Variants in TRAPPC12 observed in about 807,000 individuals in gnomAD.
TRAPPC12 encodes the protein trafficking protein particle complex subunit 12.
Under a neutral mutation model 69.2 loss-of-function variants are expected in TRAPPC12, and 61 were observed. The ratio of observed to expected loss-of-function variants is 0.88; its 90% CI spans 0.72 to 1.09. TRAPPC12 has a LOEUF of 1.09. TRAPPC12 is among the 50% of genes least tolerant of loss of function. The pLI is 0.00. For missense variants in TRAPPC12, 1,101 were observed against 1,016.4 expected (o/e 1.08, Z -1.13); for synonymous variants, 469 against 438.9 (o/e 1.07, Z -0.86).
chr2:3,431,867 C>T (rs1355177742), intron 5 of TRAPPC12, among the ~76,000 whole-genome samples: 1 of 152,142 alleles, frequency 6.6e-6, no homozygotes, highest in Non-Finnish European at 1.5e-5. Flanking sequence ...ATTAAATGTC[C>T]ATTCCTGACA....
chr2:3,432,224 C>T (rs1444982075), intron 5 of TRAPPC12, among the ~76,000 whole-genome samples: 6 of 152,204 alleles, frequency 3.9e-5, no homozygotes, highest in African/African-American at 7.2e-5. Context: ...GCTGTAATGA[C>T]GTCACAGGAA....
intron 6 of TRAPPC12, among the ~76,000 whole-genome samples, chr2:3,445,419 G>A (rs182026406): frequency 1.1e-3 from 164 of 152,262 alleles, no homozygotes; most frequent in African/African-American, 3.8e-3. Context: ...ACAGTGTAAC[G>A]ATGAGAGGAG....
intron 3 of TRAPPC12, among the ~76,000 whole-genome samples, chr2:3,419,237 G>T (rs564332179): frequency 2.8e-4 from 42 of 152,348 alleles, no homozygotes; most frequent in African/African-American, 1.0e-3. Context: ...GCAGTTATTA[G>T]TTGCCCCTGG....
chr2:3,458,036 G>T (rs112272058), intron 7 of TRAPPC12: 25 of 1,115,772 alleles, frequency 2.2e-5, no homozygotes, highest in Non-Finnish European at 2.7e-5. Flanking sequence ...CCTCTGCGTC[G>T]GGGAGAGAGG....
At chr2:3,466,695 T>G (rs898393307) in intron 9 of TRAPPC12, among the ~76,000 whole-genome samples, 6 of 152,116 alleles carry the variant, frequency 3.9e-5, no homozygotes, top group African/African-American at 1.4e-4. Flanking sequence ...CCAGATAGTG[T>G]TGGAGGACAG....
chr2:3,473,567 C>T (rs1450300832), intron 9 of TRAPPC12, among the ~76,000 whole-genome samples: 1 of 152,216 alleles, frequency 6.6e-6, no homozygotes, highest in East Asian at 1.9e-4. Flanking sequence ...GCAGCCTTGA[C>T]CTCCTGGGCT....
chr2:3,457,744 G>C (rs1473526364), intron 7 of TRAPPC12, 51 bp downstream of exon 7: 1 of 1,600,854 alleles, frequency 6.2e-7, no homozygotes, highest in South Asian at 1.1e-5. Context: ...ATCACTGACA[G>C]ACTGAGCCCA....
At chr2:3,453,519 C>T (rs1664964767) in intron 6 of TRAPPC12, among the ~76,000 whole-genome samples, 1 of 152,216 alleles carries the variant, frequency 6.6e-6, no homozygotes, top group Admixed American at 6.5e-5. Context: ...TATGCCCTCG[C>T]CTGGGCCCTC....
chr2:3,474,815 T>C (rs1323704901), intron 9 of TRAPPC12, among the ~76,000 whole-genome samples: 1 of 152,240 alleles, frequency 6.6e-6, no homozygotes, highest in Non-Finnish European at 1.5e-5. Context: ...GAATTGCCTT[T>C]GCTGAGCACA....
At position 3,462,894 on chromosome 2, in the gene TRAPPC12, G is replaced by A. The variant is rs193278916; in HGVS notation, c.1677+2558G>A. On this transcript the variant is annotated intron_variant, in intron 8 of 11. Transcript: ENST00000324266. ...GCACATCAGAACCCGCCGTGGCTCC[G>A]CACATGATGGAAAGGAGCACGCAGC... 4.9e-3 allele frequency: 2,318 copies of A among 470,880 alleles called. 8 individuals carry two copies. Among genetic ancestry groups the A allele is most frequent in the Non-Finnish European group, 6.5e-3 (1,479 of 226,916 alleles). The allele number at this position is 470,880 out of a possible 1,614,324, so 29.2% of individuals were successfully genotyped here.
intron 2 of TRAPPC12, among the ~76,000 whole-genome samples, chr2:3,390,293 C>A (rs1400956975): frequency 6.6e-6 from 1 of 152,104 alleles, no homozygotes; most frequent in Non-Finnish European, 1.5e-5. Context: ...TCTAAGGCAG[C>A]CCAGATGGGA....
chr2:3,388,242 A>G lies in TRAPPC12; in HGVS notation c.619A>G (p.Ser207Gly), dbSNP rs1182050494. The G allele has an allele frequency of 3.7e-6, 6 of 1,608,888 alleles. No homozygotes were observed. The highest frequency in any genetic ancestry group is 5.1e-6 in the Non-Finnish European group (6 of 1,177,850). ...GGTCGTGCAGCCCAGCCCCAGCCTC[A>G]GCACGTTCTTCGGAGACACGGCCGC... The part of the protein sequence containing the change: ...PQVVQPSPSL[S>G]TFFGDTAASH... Residue 207 changes from serine (S) to glycine (G), a missense_variant, in exon 2 of 12, where the codon AGC becomes GGC. Ser to Gly is a moderately conservative substitution (Grantham distance 56). Transcript: ENST00000324266.
chr2:3,446,954 G>T (rs1300081626), intron 6 of TRAPPC12, among the ~76,000 whole-genome samples: 1 of 152,212 alleles, frequency 6.6e-6, no homozygotes, highest in Non-Finnish European at 1.5e-5. Flanking sequence ...CTTTACTCAA[G>T]AAGTGTGTAT....
At chr2:3,401,427 C>T (rs2103468171) in intron 2 of TRAPPC12, among the ~76,000 whole-genome samples, 1 of 152,366 alleles carries the variant, frequency 6.6e-6, no homozygotes, top group Non-Finnish European at 1.5e-5. Flanking sequence ...AGGCCCCTCA[C>T]CTGAGGCCTC....
chr2:3,406,559 T>TA (rs1212307384), intron 3 of TRAPPC12, among the ~76,000 whole-genome samples: 2 of 152,244 alleles, frequency 1.3e-5, no homozygotes, highest in Non-Finnish European at 2.9e-5. Flanking sequence ...GAGATGGAGA[T>TA]ACTCTTTTTT....
chr2:3,417,690 C>T (rs556875890), intron 3 of TRAPPC12, among the ~76,000 whole-genome samples: 2 of 152,254 alleles, frequency 1.3e-5, no homozygotes, highest in African/African-American at 4.8e-5. Flanking sequence ...AACATTTACT[C>T]ATCGAACTTC....
intron 10 of TRAPPC12, 120 bp downstream of exon 10, chr2:3,477,915 G>T (rs1666366064): frequency 3.5e-6 from 2 of 579,458 alleles, no homozygotes; most frequent in African/African-American, 3.8e-5. Context: ...CTCTTGCCCT[G>T]TGTCTCTCAG....
intron 9 of TRAPPC12, among the ~76,000 whole-genome samples, chr2:3,473,834 A>G (rs1666172149): frequency 6.6e-6 from 1 of 152,224 alleles, no homozygotes. Context: ...TCAGTGGTAA[A>G]TATGAAAAGA....
chr2:3,426,482 G>A lies in TRAPPC12; in HGVS notation c.1417+1819G>A, dbSNP rs372142121. Among the ~76,000 whole-genome samples the A allele has an allele frequency of 5.3e-5, 8 of 152,350 alleles. No individual in the cohort carries two copies. In the East Asian group the frequency reaches 1.5e-3, roughly 29 times the overall value. On this transcript the variant is annotated intron_variant, in intron 5 of 11. Coordinates refer to ENST00000324266, the MANE Select transcript of TRAPPC12 (RefSeq NM_016030.6). ...ACATGACCAGGAGGAACAGACCAAA[G>A]CCAGGACCGCTTGAGGGTGCGTGTT... is the stretch of plus-strand genomic sequence containing the variant.
Sources: allele counts gnomAD v4.1 joint callset (sites outside exome capture counted in the v4.1 genomes callset), GRCh38; gene constraint gnomAD v4.1.1; transcripts MANE v1.5; gene names NCBI Gene and HGNC (gene_info 2026-07-23, HGNC 2026-07-21).